The following MRPS27 variants were observed in gnomAD, a reference collection of about 807,000 sequenced individuals.
MRPS27 encodes the protein mitochondrial ribosomal protein S27.
A neutral mutation model predicts 48.9 loss-of-function variants in MRPS27; 43 were observed. The observed-to-expected ratio is 0.88, with a 90% confidence interval of 0.69 to 1.13. The LOEUF is 1.13. Ranked by LOEUF, MRPS27 falls within the 50% of genes most tolerant of loss-of-function variation. MRPS27 has a pLI of 0.00. For synonymous variants in MRPS27, 188 were observed against 171.9 expected, an observed-to-expected ratio of 1.09 and a Z score of -0.73; for missense variants, 467 against 476.3, an observed-to-expected ratio of 0.98 and a Z score of 0.18.
intron 9 of MRPS27, among the ~76,000 whole-genome samples, chr5:72,225,707 G>C (rs1257109813): frequency 6.6e-6 from 1 of 151,974 alleles, no homozygotes; most frequent in Non-Finnish European, 1.5e-5. Context: ...AGCCTCTCAG[G>C]ACTACATGGT....
chr5:72,246,592 T>C (rs1418444055), intron 4 of MRPS27, among the ~76,000 whole-genome samples: 2 of 152,120 alleles, frequency 1.3e-5, no homozygotes, highest in Admixed American at 6.5e-5. Flanking sequence ...CTAGGCCAAG[T>C]AAACTGGGGA....
chr5:72,222,242 G>A (rs1357005182), intron 10 of MRPS27, among the ~76,000 whole-genome samples: 2 of 152,206 alleles, frequency 1.3e-5, no homozygotes, highest in Non-Finnish European at 2.9e-5. Flanking sequence ...TGGGGTTTGA[G>A]GCCAACAAGA....
intron 7 of MRPS27, among the ~76,000 whole-genome samples, chr5:72,232,106 T>C (rs1561331219): frequency 6.6e-6 from 1 of 152,158 alleles, no homozygotes; most frequent in Non-Finnish European, 1.5e-5. Flanking sequence ...GTATTTAATA[T>C]CCCAGGTAAT....
chr5:72,259,282 A>G (rs1748897847), intron 4 of MRPS27, among the ~76,000 whole-genome samples: 1 of 152,102 alleles, frequency 6.6e-6, no homozygotes, highest in South Asian at 2.1e-4. Flanking sequence ...CAGCCTGACC[A>G]ACATGGTGAA....
chr5:72,319,954 G>T, intron 1 of MRPS27, 195 bp downstream of exon 1: 1 of 624,472 alleles, frequency 1.6e-6, no homozygotes, highest in Non-Finnish European at 2.9e-6. Context: ...TCGTACCTTT[G>T]GACAGGAACA....
intron 4 of MRPS27, among the ~76,000 whole-genome samples, chr5:72,289,638 G>A (rs1749767544): frequency 6.6e-6 from 1 of 151,910 alleles, no homozygotes; most frequent in East Asian, 1.9e-4. Context: ...GCCCAGGCTG[G>A]TATTAAACCC....
chr5:72,241,640 C>T, intron 4 of MRPS27: 2 of 1,535,242 alleles, frequency 1.3e-6, no homozygotes, highest in Non-Finnish European at 1.7e-6. Flanking sequence ...CTGGAATGGG[C>T]ACTTGCCTGG....
intron 4 of MRPS27, among the ~76,000 whole-genome samples, chr5:72,290,027 A>G (rs1299136295): frequency 2.0e-5 from 3 of 152,244 alleles, no homozygotes; most frequent in Non-Finnish European, 2.9e-5. Flanking sequence ...GTAATCAAAT[A>G]CTAACACAAG....
chr5:72,241,461 C>T (rs1176257005), intron 4 of MRPS27: 6 of 576,784 alleles, frequency 1.0e-5, no homozygotes, highest in African/African-American at 5.6e-5. Context: ...GATAAACTTA[C>T]GTGAGTGGCT....
chr5:72,287,806 T>C (rs1012009808), intron 4 of MRPS27, among the ~76,000 whole-genome samples: 1 of 152,276 alleles, frequency 6.6e-6, no homozygotes, highest in Non-Finnish European at 1.5e-5. Flanking sequence ...GGAACTGCTG[T>C]TGGGACTATA....
intron 4 of MRPS27, among the ~76,000 whole-genome samples, chr5:72,280,973 A>G: frequency 6.6e-6 from 1 of 152,214 alleles, no homozygotes. Context: ...CTTCCCCCAA[A>G]ATGTGATATC....
chr5:72,236,762 C>T (rs1748207716), intron 5 of MRPS27, among the ~76,000 whole-genome samples: 1 of 152,116 alleles, frequency 6.6e-6, no homozygotes, highest in Non-Finnish European at 1.5e-5. Flanking sequence ...AGATATACCT[C>T]TGGTAATACT....
chr5:72,248,979 C>T lies in MRPS27; in HGVS notation c.282-10851G>A, dbSNP rs76862479. On this transcript the variant is annotated intron_variant, in intron 4 of 10. Transcript: ENST00000261413. ...ATATACTGAACAATTACACTGAGTT[C>T]GAAGGGGTGGGAGCTTGTCCTTTAT... Among the ~76,000 whole-genome samples, 604 of 152,252 alleles carry T rather than the reference C, an allele frequency of 4.0e-3. 1 individual carries two copies. Among genetic ancestry groups the T allele is most frequent in the African/African-American group, 0.014 (581 of 41,546 alleles).
rs1375284510 is a variant in MRPS27, at chr5:72,226,092, C to T, written c.802G>A (p.Ala268Thr). The T allele has an allele frequency of 6.2e-7, 1 of 1,613,624 alleles. No homozygotes were observed. The highest frequency in any genetic ancestry group is 8.5e-7 in the Non-Finnish European group (1 of 1,179,788). The change falls in exon 9 of 11, where the codon GCC becomes ACC. Residue 268 changes from alanine to threonine, a missense_variant. Physicochemically the swap from Ala to Thr is moderately conservative, Grantham distance 58. Coordinates refer to ENST00000261413, the MANE Select transcript of MRPS27 (RefSeq NM_015084.3). ...RALQVMEKVA[A>T]SPEDIKLCRE... ...CACAGCTTTATGTCTTCTGGGGAGG[C>T]AGCCACTTTCTCCATCACTTGAAGG... is the stretch of plus-strand genomic sequence containing the variant.
At chr5:72,234,980 T>C (rs1748162641) in intron 5 of MRPS27, among the ~76,000 whole-genome samples, 1 of 152,126 alleles carries the variant, frequency 6.6e-6, no homozygotes, top group African/African-American at 2.4e-5. Flanking sequence ...TTCTTCCCTC[T>C]TGGAACCAGT....
intron 8 of MRPS27, among the ~76,000 whole-genome samples, chr5:72,226,854 C>T (rs1475568589): frequency 6.6e-6 from 1 of 152,168 alleles, no homozygotes; most frequent in Admixed American, 6.6e-5. Context: ...GGATGCTAGA[C>T]AGCAGGGTCT....
At chr5:72,287,596 G>C (rs966966021) in intron 4 of MRPS27, among the ~76,000 whole-genome samples, 2 of 152,190 alleles carry the variant, frequency 1.3e-5, no homozygotes, top group Non-Finnish European at 2.9e-5. Context: ...CCAAGATCGT[G>C]CTACCGCACT....
intron 10 of MRPS27, among the ~76,000 whole-genome samples, chr5:72,222,772 G>T (rs1034123379): frequency 6.6e-5 from 10 of 152,132 alleles, no homozygotes; most frequent in Non-Finnish European, 1.3e-4. Flanking sequence ...TTCTTTCTCA[G>T]TTTCAAATTA....
chr5:72,270,100 G>A (rs1561347333), intron 4 of MRPS27, among the ~76,000 whole-genome samples: 1 of 151,276 alleles, frequency 6.6e-6, no homozygotes, highest in Non-Finnish European at 1.5e-5. Context: ...GGCTGAGGCG[G>A]GAGAATCTCT....
Sources: gnomAD v4.1 joint callset for allele counts (sites outside exome capture counted in the v4.1 genomes callset) on GRCh38, gnomAD v4.1.1 for gene constraint, MANE v1.5 for transcripts, NCBI Gene and HGNC (gene_info 2026-07-23, HGNC 2026-07-21) for gene names.